The following IQUB variants were observed in gnomAD, a reference collection of about 807,000 sequenced individuals.
IQUB encodes the protein IQ motif and ubiquitin-like domain-containing protein.
IQUB carries 86 observed loss-of-function variants against 86.4 expected under a neutral mutation model. The observed-to-expected ratio is 1.00, with a 90% CI of 0.84 to 1.19. The LOEUF is 1.19. Ranked by LOEUF, IQUB falls within the 50% of genes most tolerant of loss-of-function variation. The probability of loss-of-function intolerance (pLI) is 0.00; values close to 1 mark genes in which losing one functional copy is unlikely to be tolerated. For missense variants in IQUB, 946 were observed against 916.9 expected (o/e 1.03, Z -0.41); for synonymous variants, 289 against 304.5 (o/e 0.95, Z 0.53).
At chr7:123,464,398 T>C (rs1444668845) in intron 10 of IQUB, among the ~76,000 whole-genome samples, 1 of 151,896 alleles carries the variant, frequency 6.6e-6, no homozygotes, top group Non-Finnish European at 1.5e-5. Context: ...AGGTATAACA[T>C]GGAATCTCAG....
chr7:123,481,852 C>A (rs983224194), intron 7 of IQUB, among the ~76,000 whole-genome samples: 11 of 151,528 alleles, frequency 7.3e-5, no homozygotes, highest in African/African-American at 2.2e-4. Flanking sequence ...GTGCAGAAAG[C>A]AAGATGAGAA....
Position 123,452,778 on chromosome 7 carries a change from G to A in IQUB, c.2341C>T (p.Pro781Ser), listed in dbSNP as rs1018375716. ...IRWKYHSDTT[P>S]KIIESQRPPH ...GGCCTCTGGGATTCTATAATCTTAGGTGTTGTGTCTGAGTGATACTTCCAT... is the reference window on the plus strand; with the variant it reads ...GGCCTCTGGGATTCTATAATCTTAGATGTTGTGTCTGAGTGATACTTCCAT... Residue 781 changes from proline (P) to serine (S), a missense_variant, in exon 13 of 13, where the codon CCT (proline) becomes TCT (serine). Coordinates refer to ENST00000324698, the MANE Select transcript of IQUB (RefSeq NM_178827.5). 6 of 1,613,276 alleles carry A rather than the reference G, an allele frequency of 3.7e-6. No homozygotes were observed. The South Asian group carries it at 4.4e-5, about 12-fold the overall frequency.
At chr7:123,455,483 T>A (rs1429803919) in intron 12 of IQUB, among the ~76,000 whole-genome samples, 2 of 152,142 alleles carry the variant, frequency 1.3e-5, no homozygotes, top group African/African-American at 2.4e-5. Flanking sequence ...GCATCAAAAA[T>A]TTTTAAAGTG....
chr7:123,516,138 G>T (rs933982558), intron 1 of IQUB, among the ~76,000 whole-genome samples: 1 of 152,030 alleles, frequency 6.6e-6, no homozygotes, highest in Non-Finnish European at 1.5e-5. Context: ...GGGAAAAAAA[G>T]TGTGCTATTA....
intron 8 of IQUB, among the ~76,000 whole-genome samples, chr7:123,471,815 T>C (rs1407055956): frequency 6.6e-6 from 1 of 152,218 alleles, no homozygotes; most frequent in African/African-American, 2.4e-5. Flanking sequence ...GAAATCCTAT[T>C]GCACTTGTAA....
chr7:123,496,880 C>G lies in IQUB; in HGVS notation c.1050G>C (p.Arg350Ser). The G allele has an allele frequency of 6.2e-7, 1 of 1,611,334 alleles. No individual in the cohort carries two copies. The highest frequency in any genetic ancestry group is 2.2e-5 in the East Asian group (1 of 44,724). ...KAVIVIQTYY[R>S]QWHAKIFVEN... ...CTACGAAGATTTTAGCATGCCATTG[C>G]CTGTAGTAAGTCTGTATCACTATCA... Residue 350 changes from arginine (R) to serine (S), a missense_variant, in exon 7 of 13, where the codon AGG (arginine) becomes AGC (serine). By Grantham distance (110) the Arg-to-Ser change is moderately radical. Coordinates refer to ENST00000324698, the MANE Select transcript of IQUB (RefSeq NM_178827.5).
chr7:123,523,800 A>T (rs1054947958), intron 1 of IQUB, among the ~76,000 whole-genome samples: 10 of 152,048 alleles, frequency 6.6e-5, no homozygotes, highest in African/African-American at 2.4e-4. Flanking sequence ...CTGAATGGTA[A>T]TGCCTAGGTT....
At chr7:123,532,889 T>G (rs1291877254) in intron 1 of IQUB, 1 of 152,320 alleles carries the variant, frequency 6.6e-6, no homozygotes, top group Non-Finnish European at 1.5e-5. Context: ...CCCCCAAGCT[T>G]GGCGCGGAAG....
intron 6 of IQUB, among the ~76,000 whole-genome samples, chr7:123,498,019 G>C (rs1405208233): frequency 6.6e-6 from 1 of 151,606 alleles, no homozygotes; most frequent in East Asian, 1.9e-4. Context: ...GAGCAACAGA[G>C]ATATTTGTCC....
intron 7 of IQUB, among the ~76,000 whole-genome samples, chr7:123,489,904 AAGG>A (rs538508416): frequency 6.8e-4 from 104 of 152,134 alleles, no homozygotes; most frequent in African/African-American, 2.5e-3. Flanking sequence ...ACAAAATTCC[AAGG>A]AGGATGAAAA....
chr7:123,480,488 T>C (rs1272828366), intron 7 of IQUB, among the ~76,000 whole-genome samples: 1 of 152,114 alleles, frequency 6.6e-6, no homozygotes. Flanking sequence ...TAGTCAATCA[T>C]ATCAGAGTCA....
At chr7:123,523,644 T>G (rs1258897765) in intron 1 of IQUB, among the ~76,000 whole-genome samples, 11 of 151,592 alleles carry the variant, frequency 7.3e-5, no homozygotes, top group South Asian at 2.1e-4. Flanking sequence ...TTTCTCCCAT[T>G]TTGTAGGTTG....
intron 3 of IQUB, among the ~76,000 whole-genome samples, chr7:123,506,957 T>A (rs1412315041): frequency 6.6e-6 from 1 of 152,190 alleles, no homozygotes; most frequent in East Asian, 1.9e-4. Flanking sequence ...AGAAATTGAC[T>A]AATTTTCTTT....
Position 123,464,723 on chromosome 7 carries a change from T to C in IQUB, c.1758+110A>G, listed in dbSNP as rs1254522344. 3 of 570,702 alleles carry C rather than the reference T, an allele frequency of 5.3e-6. No homozygotes were observed. The East Asian group carries it at 9.6e-5, about 18-fold the overall frequency. 35.4% of individuals were successfully genotyped at this position (570,702 alleles called of 1,614,324 possible). A position where few individuals can be genotyped will look rare whatever the true frequency, so the allele number is the denominator to read the frequency against. ...GGAGATACTACCAATAAGATGGTAT[T>C]CCACATGGACTCCCAAGTAAAGTGT... On this transcript the variant is annotated intron_variant, in intron 10 of 12. Transcript: ENST00000324698.
At chr7:123,533,580 C>G (rs1797639253) in intron 1 of IQUB, among the ~76,000 whole-genome samples, 1 of 148,340 alleles carries the variant, frequency 6.7e-6, no homozygotes, top group Admixed American at 6.8e-5. Context: ...TTCGAAACAC[C>G]TTCTCACAAT....
At chr7:123,457,029 A>T in intron 12 of IQUB, 1 of 273,258 alleles carries the variant, frequency 3.7e-6, no homozygotes, top group South Asian at 1.4e-4. Flanking sequence ...ACAAATACTT[A>T]TAAACTCCAT....
At chr7:123,512,440 C>T in intron 1 of IQUB, 96 bp from the exon 2 acceptor site, 2 of 644,548 alleles carry the variant, frequency 3.1e-6, no homozygotes, top group Non-Finnish European at 4.8e-6. Flanking sequence ...TCATAATATT[C>T]AACTAAAATG....
intron 2 of IQUB, among the ~76,000 whole-genome samples, chr7:123,510,437 T>C (rs1584629519): frequency 6.6e-6 from 1 of 152,238 alleles, no homozygotes; most frequent in South Asian, 2.1e-4. Context: ...AGAGGGACAT[T>C]ATATGGCTCA....
intron 7 of IQUB, among the ~76,000 whole-genome samples, chr7:123,493,143 C>A (rs536893526): frequency 6.6e-6 from 1 of 152,276 alleles, no homozygotes; most frequent in South Asian, 2.1e-4. Flanking sequence ...CCCCAGTCTA[C>A]CATCCTGGTC....
Sources: allele counts gnomAD v4.1 joint callset (sites outside exome capture counted in the v4.1 genomes callset), GRCh38; gene constraint gnomAD v4.1.1; transcripts MANE v1.5; gene names NCBI Gene and HGNC (gene_info 2026-07-23, HGNC 2026-07-21).